The following XIRP2 variants were observed in gnomAD, a reference collection of about 807,000 sequenced individuals.
The protein encoded by XIRP2 is xin actin-binding repeat-containing protein 2.
In XIRP2, 236 loss-of-function variants were observed where a neutral mutation model predicts 277.0. That is an observed-to-expected ratio of 0.85 (90% CI 0.77 to 0.95). XIRP2 has a LOEUF of 0.95. XIRP2 is among the 40% of genes least tolerant of loss of function. XIRP2 has a pLI of 0.00. For missense variants in XIRP2, 4,640 were observed against 4,157.5 expected (o/e 1.12, Z -3.19); for synonymous variants, 1,490 against 1,416.5 (o/e 1.05, Z -1.17).
chr2:167,120,388 T>G (rs1009119239), intron 2 of XIRP2, among the ~76,000 whole-genome samples: 2 of 152,188 alleles, frequency 1.3e-5, no homozygotes, highest in African/African-American at 2.4e-5. Flanking sequence ...TATTATAGCA[T>G]GCAGTGTCTT....
intron 3 of XIRP2, among the ~76,000 whole-genome samples, chr2:167,208,511 T>G (rs943491357): frequency 1.3e-5 from 2 of 152,110 alleles, no homozygotes; most frequent in Non-Finnish European, 2.9e-5. Flanking sequence ...GGTTTCACCG[T>G]GTTAGCCAGG....
At position 167,066,068 on chromosome 2, in the gene XIRP2, G is replaced by A. The variant is rs188266955; in HGVS notation, c.409-69841G>A. On this transcript the variant is annotated intron_variant, in intron 2 of 10. Coordinates refer to ENST00000409195, the MANE Select transcript of XIRP2 (RefSeq NM_152381.6). ...CAGAAGTGTTAGGGGGTGTGTATGT[G>A]TGTGTGTGTGTGTAGAACTCTTAAC... Among the ~76,000 whole-genome samples, 375 of 152,012 alleles carry A rather than the reference G, an allele frequency of 2.5e-3. 2 individuals carry two copies. Among genetic ancestry groups the A allele is most frequent in the African/African-American group, 8.6e-3 (356 of 41,528 alleles).
chr2:167,210,361 T>C (rs1036360939), intron 3 of XIRP2, among the ~76,000 whole-genome samples: 1 of 152,210 alleles, frequency 6.6e-6, no homozygotes, highest in African/African-American at 2.4e-5. Flanking sequence ...AGAAATAATA[T>C]TACCTACCTT....
chr2:167,240,406 C>T (rs1436326977), intron 6 of XIRP2, among the ~76,000 whole-genome samples: 4 of 152,112 alleles, frequency 2.6e-5, no homozygotes, highest in Admixed American at 6.5e-5. Context: ...CAGTGCAAGA[C>T]TCCTTCTCAA....
intron 2 of XIRP2, 103 bp from the exon 3 acceptor site, chr2:167,135,806 G>A: frequency 1.7e-6 from 2 of 1,167,136 alleles, no homozygotes. Context: ...CCTCATGACA[G>A]AAATCCCTCC....
intron 2 of XIRP2, among the ~76,000 whole-genome samples, chr2:166,985,334 T>A (rs1050746854): frequency 6.6e-6 from 1 of 152,188 alleles, no homozygotes; most frequent in Admixed American, 6.5e-5. Context: ...TGCTCAAACA[T>A]GCCATTGATT....
chr2:167,105,463 G>T (rs1396554267), intron 2 of XIRP2, among the ~76,000 whole-genome samples: 1 of 151,812 alleles, frequency 6.6e-6, no homozygotes, highest in Non-Finnish European at 1.5e-5. Context: ...CCATCTAAGT[G>T]GTTGAGTATA....
At chr2:167,129,907 T>G (rs1327079740) in intron 2 of XIRP2, among the ~76,000 whole-genome samples, 1 of 151,856 alleles carries the variant, frequency 6.6e-6, no homozygotes, top group Non-Finnish European at 1.5e-5. Flanking sequence ...AAAAATTATC[T>G]TGCTCTCTTT....
In XIRP2 at chr2:167,254,059, T is replaced by C. The variant is rs756922899; in HGVS notation, c.10583T>C (p.Met3528Thr). ...GCTGCTGCTCCAAGACAAGGAAATA[T>C]GTATACTTTGTCAAAAGACAGTTTA... ...SEAAAPRQGN[M>T]YTLSKDSLSN... The change falls in exon 10 of 11, where the codon ATG becomes ACG. Residue 3528 changes from methionine to threonine, a missense_variant. Coordinates refer to ENST00000409195, the MANE Select transcript of XIRP2 (RefSeq NM_152381.6). The C allele has an allele frequency of 6.9e-6, 11 of 1,603,434 alleles. No homozygotes were observed. The highest frequency in any genetic ancestry group is 9.4e-6 in the Non-Finnish European group (11 of 1,174,664).
intron 2 of XIRP2, among the ~76,000 whole-genome samples, chr2:167,003,913 T>C (rs560347092): frequency 1.3e-5 from 2 of 152,062 alleles, no homozygotes; most frequent in African/African-American, 4.8e-5. Context: ...TCAAATATAT[T>C]GCAAAATAAT....
At chr2:167,209,787 G>A (rs970078241) in intron 3 of XIRP2, among the ~76,000 whole-genome samples, 2 of 151,900 alleles carry the variant, frequency 1.3e-5, no homozygotes, top group African/African-American at 4.8e-5. Flanking sequence ...TCTGGCATAC[G>A]TAAGCTAAAT....
chr2:167,003,569 G>A (rs949886998), intron 2 of XIRP2, among the ~76,000 whole-genome samples: 2 of 151,776 alleles, frequency 1.3e-5, no homozygotes, highest in African/African-American at 4.8e-5. Flanking sequence ...AAAGATTTAG[G>A]GAACAGCATG....
Position 167,243,242 on chromosome 2 carries a change from C to T in XIRP2, c.1850C>T (p.Thr617Ile), listed in dbSNP as rs776944687. The T allele has an allele frequency of 6.2e-6, 10 of 1,614,048 alleles. No homozygotes were observed. The highest frequency in any genetic ancestry group is 8.5e-6 in the Non-Finnish European group (10 of 1,179,986). The part of the protein sequence containing the change: ...EIIAGGDVKY[T>I]TWMFETQPID... ...ATTGCTGGTGGTGATGTGAAATATACCACATGGATGTTTGAAACCCAACCC... is the reference window on the plus strand; with the variant it reads ...ATTGCTGGTGGTGATGTGAAATATATCACATGGATGTTTGAAACCCAACCC... The change falls in exon 9 of 11, where the codon ACC becomes ATC. Residue 617 changes from threonine to isoleucine, a missense_variant. Transcript: ENST00000409195.
At chr2:166,918,527 G>A (rs1040499667) in intron 2 of XIRP2, among the ~76,000 whole-genome samples, 1 of 152,038 alleles carries the variant, frequency 6.6e-6, no homozygotes, top group Non-Finnish European at 1.5e-5. Context: ...AATTCAGCCA[G>A]TGAATAGAAA....
chr2:167,235,840 G>A (rs1025728164), intron 5 of XIRP2, among the ~76,000 whole-genome samples: 5 of 151,898 alleles, frequency 3.3e-5, no homozygotes, highest in South Asian at 2.1e-4. Flanking sequence ...AGAAACCTCA[G>A]GGCAAAAGGA....
chr2:166,952,593 A>G (rs1415106179), intron 2 of XIRP2, among the ~76,000 whole-genome samples: 1 of 152,008 alleles, frequency 6.6e-6, no homozygotes, highest in African/African-American at 2.4e-5. Flanking sequence ...GATTAATATT[A>G]ATAATCCCAC....
chr2:166,958,123 A>C (rs903981419), intron 2 of XIRP2, among the ~76,000 whole-genome samples: 1 of 151,898 alleles, frequency 6.6e-6, no homozygotes, highest in Non-Finnish European at 1.5e-5. Flanking sequence ...TCTTAAATTA[A>C]GATGATGCTG....
At chr2:166,914,532 G>A (rs959341755) in intron 2 of XIRP2, among the ~76,000 whole-genome samples, 2 of 151,818 alleles carry the variant, frequency 1.3e-5, no homozygotes, top group African/African-American at 4.8e-5. Context: ...AGTAGAGATG[G>A]GATTTCACCA....
chr2:167,079,186 A>T (rs2105259857), intron 2 of XIRP2, among the ~76,000 whole-genome samples: 1 of 152,306 alleles, frequency 6.6e-6, no homozygotes, highest in Non-Finnish European at 1.5e-5. Flanking sequence ...GTTGAACCAA[A>T]CTTGCATCCA....
Sources: gnomAD v4.1 joint callset for allele counts (sites outside exome capture counted in the v4.1 genomes callset) on GRCh38, gnomAD v4.1.1 for gene constraint, MANE v1.5 for transcripts, NCBI Gene and HGNC (gene_info 2026-07-23, HGNC 2026-07-21) for gene names.